Variants in RNF216 observed in about 807,000 individuals in gnomAD.
RNF216 encodes E3 ubiquitin-protein ligase RNF216.
A neutral mutation model predicts 110.8 loss-of-function variants in RNF216; 72 were observed. That is an observed-to-expected ratio of 0.65 (90% CI 0.54 to 0.79). The LOEUF is 0.79. RNF216 is among the 30% of genes least tolerant of loss of function. The probability of loss-of-function intolerance (pLI) is 0.00; values close to 1 mark genes in which losing one functional copy is unlikely to be tolerated. For synonymous variants in RNF216, 495 were observed against 407.5 expected (o/e 1.21, Z -2.59); for missense variants, 1,342 against 1,141.2 (o/e 1.18, Z -2.54).
chr7:5,634,175 C>T (rs1373170021), intron 15 of RNF216, among the ~76,000 whole-genome samples: 1 of 152,142 alleles, frequency 6.6e-6, no homozygotes, highest in Admixed American at 6.5e-5. Context: ...TGGCTGTCCA[C>T]GTGCCTGCTG....
intron 13 of RNF216, among the ~76,000 whole-genome samples, chr7:5,682,728 T>C (rs1790740346): frequency 1.3e-5 from 2 of 152,160 alleles, no homozygotes; most frequent in South Asian, 4.1e-4. Flanking sequence ...TTTAAATAAG[T>C]AGCATGTAAT....
At position 5,712,216 on chromosome 7, in the gene RNF216, A is replaced by C. The variant is rs2009260; in HGVS notation, c.1983-377T>G. Reference sequence around the variant, plus strand: ...AGCTACAGTCTGGGCGCGGTGGCTCACGCCTGTAGTCCCAGCACTTTGGGA... The same window carrying C: ...AGCTACAGTCTGGGCGCGGTGGCTCCCGCCTGTAGTCCCAGCACTTTGGGA... On this transcript the variant is annotated intron_variant, in intron 12 of 16. Coordinates refer to ENST00000389902, the MANE Select transcript of RNF216 (RefSeq NM_207111.4). Among the ~76,000 whole-genome samples the C allele has an allele frequency of 2.0e-4, 30 of 152,260 alleles. No individual in the cohort carries two copies. In the East Asian group the frequency reaches 5.6e-3, roughly 28 times the overall value.
intron 13 of RNF216, among the ~76,000 whole-genome samples, chr7:5,705,232 G>C (rs148973876): frequency 6.6e-6 from 1 of 152,214 alleles, no homozygotes; most frequent in East Asian, 1.9e-4. Context: ...GTAAAAACAC[G>C]TACACACTGG....
At chr7:5,697,090 T>C (rs906130740) in intron 13 of RNF216, among the ~76,000 whole-genome samples, 68 of 151,154 alleles carry the variant, frequency 4.5e-4, no homozygotes, top group Non-Finnish European at 8.1e-4. Context: ...ATCTTCAAAG[T>C]CCTGCTTCCT....
At chr7:5,637,489 T>C (rs375277624) in intron 15 of RNF216, among the ~76,000 whole-genome samples, 2 of 152,326 alleles carry the variant, frequency 1.3e-5, no homozygotes, top group East Asian at 1.9e-4. Flanking sequence ...AGAGAACACC[T>C]GGTTACCACA....
chr7:5,633,098 G>C (rs1787176535), intron 15 of RNF216, among the ~76,000 whole-genome samples: 1 of 151,776 alleles, frequency 6.6e-6, no homozygotes, highest in South Asian at 2.1e-4. Context: ...TCCTGCCTCA[G>C]CCTCCCAAGC....
At chr7:5,674,842 CA>C (rs1443002998) in intron 13 of RNF216, among the ~76,000 whole-genome samples, 3 of 150,812 alleles carry the variant, frequency 2.0e-5, no homozygotes, top group South Asian at 4.2e-4. Flanking sequence ...CTAAAAAATA[CA>C]AAAATTAGCT....
intron 13 of RNF216, among the ~76,000 whole-genome samples, chr7:5,711,518 AAAG>A (rs1461550312): frequency 6.6e-6 from 1 of 152,222 alleles, no homozygotes; most frequent in African/African-American, 2.4e-5. Context: ...TATCTGTCCT[AAAG>A]AAGATGATAT....
chr7:5,763,943 C>A (rs1451521525), intron 1 of RNF216, among the ~76,000 whole-genome samples: 3 of 152,086 alleles, frequency 2.0e-5, no homozygotes, highest in Non-Finnish European at 4.4e-5. Context: ...AATCTAAGCA[C>A]CTTGGGAGGC....
chr7:5,776,916 AAGAG>A (rs1253038548), intron 1 of RNF216, among the ~76,000 whole-genome samples: 96 of 147,524 alleles, frequency 6.5e-4, no homozygotes, highest in South Asian at 3.7e-3. Flanking sequence ...AAAAAAAAAA[AAGAG>A]AGAGAGAAAA....
chr7:5,743,902 C>T (rs1372848984), intron 3 of RNF216, among the ~76,000 whole-genome samples: 1 of 152,186 alleles, frequency 6.6e-6, no homozygotes, highest in Non-Finnish European at 1.5e-5. Context: ...GGTGCTCTTA[C>T]TCTTCTTCAA....
chr7:5,768,346 T>TACACACACACACAC (rs71004702), intron 1 of RNF216, among the ~76,000 whole-genome samples: 2,002 of 71,902 alleles, frequency 0.028, 180 homozygotes, highest in Middle Eastern at 0.047. Flanking sequence ...GGCAGGCAAA[T>TACACACACACACAC]ACACACACAC....
intron 3 of RNF216, among the ~76,000 whole-genome samples, chr7:5,748,410 C>A (rs745987556): frequency 2.0e-5 from 3 of 152,186 alleles, no homozygotes; most frequent in African/African-American, 7.2e-5. Flanking sequence ...TAGGTGCTCA[C>A]CACCATGCCC....
rs530357009 is a variant in RNF216 at position 5,676,040 on chromosome 7, A to T, written c.2062-23530T>A. Reference sequence around the variant, plus strand: ...TTTTTTCTTTTTTTTTTTGAGACAGAGTCTTGCTCTGTTGCCCAGGCTAGA... The same window carrying T: ...TTTTTTCTTTTTTTTTTTGAGACAGTGTCTTGCTCTGTTGCCCAGGCTAGA... On this transcript the variant is annotated intron_variant, in intron 13 of 16. Coordinates refer to ENST00000389902, the MANE Select transcript of RNF216 (RefSeq NM_207111.4). Among the ~76,000 whole-genome samples the T allele has an allele frequency of 2.7e-5, 4 of 148,550 alleles. No homozygotes were observed. In the South Asian group the frequency reaches 8.5e-4, roughly 32 times the overall value.
intron 5 of RNF216, among the ~76,000 whole-genome samples, chr7:5,732,079 C>T (rs558022889): frequency 4.6e-5 from 7 of 152,292 alleles, no homozygotes; most frequent in South Asian, 4.1e-4. Flanking sequence ...CGGAACACAA[C>T]GCCTGAGGCC....
chr7:5,778,206 C>T (rs1288313891), intron 1 of RNF216, among the ~76,000 whole-genome samples: 2 of 152,220 alleles, frequency 1.3e-5, no homozygotes, highest in Non-Finnish European at 2.9e-5. Context: ...TACCTTTTCC[C>T]CCCGCATTCA....
Position 5,624,029 on chromosome 7 carries a change from C to A in RNF216, c.2452+27G>T. 1.2e-6 allele frequency: 2 copies of A among 1,606,058 alleles called. No individual in the cohort carries two copies. The highest frequency in any genetic ancestry group is 2.2e-5 in the South Asian group (2 of 90,186). ...CTGCATGGCCTGGCTGCTGCTCTGT[C>A]CTGGGGGCCTGGGGAGGGGCACTTG... On this transcript the variant is annotated intron_variant, in intron 16 of 16. Coordinates refer to ENST00000389902, the MANE Select transcript of RNF216 (RefSeq NM_207111.4). The surrounding 1 kb of genome is among the most constrained non-coding windows in gnomAD (Gnocchi z 4.4).
At chr7:5,702,452 C>T (rs567795463) in intron 13 of RNF216, among the ~76,000 whole-genome samples, 36 of 152,268 alleles carry the variant, frequency 2.4e-4, no homozygotes, top group African/African-American at 8.2e-4. Flanking sequence ...TTCCCTATTT[C>T]GGGTTGTCAG....
intron 1 of RNF216, among the ~76,000 whole-genome samples, chr7:5,768,513 ATTCTT>A (rs1796326449): frequency 2.0e-5 from 3 of 152,094 alleles, no homozygotes; most frequent in South Asian, 4.1e-4. Flanking sequence ...CAGAATACAC[ATTCTT>A]TTCAAGTGTA....
Sources: gnomAD v4.1 joint callset for allele counts (sites outside exome capture counted in the v4.1 genomes callset) on GRCh38, gnomAD v4.1.1 for gene constraint, Gnocchi (gnomAD v3.1) non-coding constraint, MANE v1.5 for transcripts, NCBI Gene and HGNC (gene_info 2026-07-23, HGNC 2026-07-21) for gene names.